Variants in MKRN2OS observed in about 807,000 individuals in gnomAD.
MKRN2OS encodes MKRN2 opposite strand protein.
In MKRN2OS, 17 loss-of-function variants were observed where a neutral mutation model predicts 18.2. That is an observed-to-expected ratio of 0.93 (90% CI 0.64 to 1.40). The LOEUF is 1.40. Among genes scored for constraint, MKRN2OS ranks in the 40% most tolerant of loss-of-function variants. MKRN2OS has a pLI of 0.00. For missense variants in MKRN2OS, 337 were observed against 283.0 expected, an observed-to-expected ratio of 1.19 and a Z score of -1.37; for synonymous variants, 121 against 108.5, an observed-to-expected ratio of 1.12 and a Z score of -0.72.
chr3:12,550,954 G>C (rs954455717), downstream of MKRN2OS, among the ~76,000 whole-genome samples: 3 of 152,162 alleles, frequency 2.0e-5, no homozygotes, highest in Admixed American at 2.0e-4. Flanking sequence ...TCCAGTCAAA[G>C]CTTTGGTAAA....
At chr3:12,546,624 A>T (rs2057887055), upstream of MKRN2OS, among the ~76,000 whole-genome samples, 1 of 119,870 alleles carries the variant, frequency 8.3e-6, no homozygotes, top group Non-Finnish European at 1.6e-5. Flanking sequence ...TCTTGTCGCC[A>T]GGCTGGAGTG....
At chr3:12,545,565 G>T (rs970843577), upstream of MKRN2OS, 1 of 902,478 alleles carries the variant, frequency 1.1e-6, no homozygotes, top group African/African-American at 1.7e-5. Flanking sequence ...CTGATCAATG[G>T]TGATGTCATC....
downstream of MKRN2OS, among the ~76,000 whole-genome samples, chr3:12,551,427 G>A (rs1286477816): frequency 2.6e-5 from 4 of 151,450 alleles, no homozygotes; most frequent in Non-Finnish European, 4.4e-5. Flanking sequence ...CCTGGGAGGC[G>A]AAGGCTGTGG....
At chr3:12,548,492 C>CGTG (rs2057904960), upstream of MKRN2OS, among the ~76,000 whole-genome samples, 1 of 142,772 alleles carries the variant, frequency 7.0e-6, no homozygotes, top group Non-Finnish European at 1.5e-5. Flanking sequence ...ACCAGCCGAG[C>CGTG]GTGGTGGCAG....
intron 3 of MKRN2OS, 79 bp from the exon 4 acceptor site, chr3:12,540,512 C>T: frequency 6.6e-7 from 1 of 1,517,116 alleles, no homozygotes; most frequent in Non-Finnish European, 8.8e-7. Flanking sequence ...CCTTTCCTAA[C>T]TGAAATCGGG....
At chr3:12,540,876 T>TAAAA (rs2057795194) in intron 3 of MKRN2OS, among the ~76,000 whole-genome samples, 2 of 52,812 alleles carry the variant, frequency 3.8e-5, no homozygotes, top group Non-Finnish European at 6.9e-5. Context: ...AGACTCCATC[T>TAAAA]CAAAAAAAAA....
At chr3:12,552,733 A>C (rs1191040650), downstream of MKRN2OS, among the ~76,000 whole-genome samples, 1 of 151,716 alleles carries the variant, frequency 6.6e-6, no homozygotes, top group African/African-American at 2.4e-5. Flanking sequence ...ATTAAAAATC[A>C]TCCTGCAGGC....
At chr3:12,542,944 G>A (rs2057835974) in intron 2 of MKRN2OS, among the ~76,000 whole-genome samples, 1 of 152,120 alleles carries the variant, frequency 6.6e-6, no homozygotes. Flanking sequence ...ACAGGTTTGT[G>A]AGGCTCCTCA....
chr3:12,557,270 G>A, intron 1 of MKRN2OS: 1 of 1,467,158 alleles, frequency 6.8e-7, no homozygotes, highest in Non-Finnish European at 9.1e-7. Context: ...CCTGAGGCTA[G>A]AGCGGGACTC....
chr3:12,544,647 C>G (rs1337985289), intron 1 of MKRN2OS, among the ~76,000 whole-genome samples: 4 of 151,354 alleles, frequency 2.6e-5, no homozygotes, highest in South Asian at 4.2e-4. Flanking sequence ...CCATTGCACT[C>G]CAGCCTGGGC....
intron 1 of MKRN2OS, among the ~76,000 whole-genome samples, chr3:12,558,582 C>G (rs144103368): frequency 9.2e-5 from 14 of 152,260 alleles, no homozygotes; most frequent in African/African-American, 3.1e-4. Flanking sequence ...TCTGTAGTAT[C>G]TTATTTTACA....
intron 1 of MKRN2OS, among the ~76,000 whole-genome samples, chr3:12,543,842 A>T (rs1206617110): frequency 6.6e-6 from 1 of 151,410 alleles, no homozygotes; most frequent in Non-Finnish European, 1.5e-5. Context: ...CAGTGAGCCG[A>T]GATTGCACCA....
intron 1 of MKRN2OS, chr3:12,557,298 T>C (rs2125297192): frequency 1.5e-6 from 2 of 1,324,202 alleles, no homozygotes; most frequent in Admixed American, 2.7e-5. Context: ...TACTCGGCTG[T>C]TCGCGGCGGG....
intron 1 of MKRN2OS, among the ~76,000 whole-genome samples, chr3:12,555,097 CT>C (rs2057957076): frequency 6.6e-6 from 1 of 152,092 alleles, no homozygotes; most frequent in Non-Finnish European, 1.5e-5. Context: ...ATTGCCTGAG[CT>C]CAGAAGTTCG....
intron 1 of MKRN2OS, among the ~76,000 whole-genome samples, chr3:12,557,416 C>T (rs1008417250): frequency 2.0e-5 from 3 of 152,226 alleles, no homozygotes; most frequent in African/African-American, 7.2e-5. Flanking sequence ...GAGTTTGAAG[C>T]GTGGCCCCTG....
intron 1 of MKRN2OS, among the ~76,000 whole-genome samples, chr3:12,557,905 C>G (rs1251956028): frequency 6.6e-6 from 1 of 152,154 alleles, no homozygotes; most frequent in African/African-American, 2.4e-5. Flanking sequence ...TAGAAAATAG[C>G]CAGATAGCTA....
rs1559378802 is a variant in MKRN2OS at position 12,540,082 on chromosome 3, G to A, written c.*111C>T. Reference sequence around the variant, plus strand: ...TTACAGGTGTGAGCCACCATGCCCGGCCCATACACGCTTTTATTAACCACA... The same window carrying A: ...TTACAGGTGTGAGCCACCATGCCCGACCCATACACGCTTTTATTAACCACA... On this transcript the variant is annotated 3_prime_UTR_variant, in exon 4 of 4. Coordinates refer to ENST00000564146, the MANE Select transcript of MKRN2OS (RefSeq NM_001195279.2). 5.6e-6 allele frequency: 8 copies of A among 1,438,158 alleles called. No homozygotes were observed. The highest frequency in any genetic ancestry group is 7.5e-6 in the Non-Finnish European group (8 of 1,072,856). The allele number at this position is 1,438,158 out of a possible 1,614,324, so 89.1% of individuals were successfully genotyped here. A position where few individuals can be genotyped will look rare whatever the true frequency, so the allele number is the denominator to read the frequency against.
At chr3:12,543,911 A>G (rs2057851230) in intron 1 of MKRN2OS, among the ~76,000 whole-genome samples, 3 of 145,322 alleles carry the variant, frequency 2.1e-5, no homozygotes, top group African/African-American at 7.8e-5. Context: ...AAAAAAAAAT[A>G]ACAGTTTTAA....
chr3:12,558,257 G>T (rs549579664), intron 1 of MKRN2OS, among the ~76,000 whole-genome samples: 9 of 152,350 alleles, frequency 5.9e-5, no homozygotes, highest in African/African-American at 1.9e-4. Context: ...GGTGGCTTAT[G>T]TTAAGCTGTT....
Sources: allele counts gnomAD v4.1 joint callset (sites outside exome capture counted in the v4.1 genomes callset), GRCh38; gene constraint gnomAD v4.1.1; transcripts MANE v1.5; gene names NCBI Gene and HGNC (gene_info 2026-07-23, HGNC 2026-07-21).